AAMDC: variants seen among roughly 807,000 people sequenced by gnomAD.
The protein encoded by AAMDC is mth938 domain-containing protein.
Under a neutral mutation model 15.5 loss-of-function variants are expected in AAMDC, and 16 were observed. That is an observed-to-expected ratio of 1.03 (90% CI 0.70 to 1.57). AAMDC has a LOEUF of 1.57. Among genes scored for constraint, AAMDC ranks in the 40% most tolerant of loss-of-function variants. The pLI is 0.00. For synonymous variants in AAMDC, 51 were observed against 51.6 expected, an observed-to-expected ratio of 0.99 and a Z score of 0.05; for missense variants, 141 against 144.9, an observed-to-expected ratio of 0.97 and a Z score of 0.14.
Position 77,878,851 on chromosome 11 carries a change from A to G in AAMDC, c.328+1802A>G, listed in dbSNP as rs151209343. 7.6e-4 allele frequency: 657 copies of G among 863,066 alleles called. 9 individuals are homozygous for G. The African/African-American group carries it at 1.0e-2, about 13-fold the overall frequency. 53.5% of individuals were successfully genotyped at this position (863,066 alleles called of 1,614,324 possible). On this transcript the variant is annotated intron_variant, in intron 5 of 5. Transcript: ENST00000304716. ...GACTGTAAGGGTCACATACTCCTTA[A>G]GCCTACACATCAATTCCAGGTGAAG...
chr11:77,860,554 T>C (rs1950832977), intron 2 of AAMDC, among the ~76,000 whole-genome samples: 2 of 152,346 alleles, frequency 1.3e-5, no homozygotes, highest in South Asian at 4.1e-4. Context: ...GCACAAGGTT[T>C]CTGAAAGGGC....
intron 1 of AAMDC, among the ~76,000 whole-genome samples, chr11:77,837,916 T>C (rs973368245): frequency 1.3e-5 from 2 of 151,494 alleles, no homozygotes; most frequent in African/African-American, 2.4e-5. Flanking sequence ...ATAAATAAAA[T>C]TACAAAATTA....
At chr11:77,894,395 C>T (rs1190509691) in intron 5 of AAMDC, 7 of 1,032,958 alleles carry the variant, frequency 6.8e-6, no homozygotes. Context: ...AATCTGCAAA[C>T]TGAGGAGGAC....
At chr11:77,878,248 C>G (rs368730518) in intron 5 of AAMDC, among the ~76,000 whole-genome samples, 168 of 151,908 alleles carry the variant, frequency 1.1e-3, no homozygotes, top group African/African-American at 2.7e-3. Flanking sequence ...TGTAGTCCCA[C>G]CTACTCAGGA....
At chr11:77,891,266 A>C in intron 5 of AAMDC, 1 of 1,564,184 alleles carries the variant, frequency 6.4e-7, no homozygotes, top group Non-Finnish European at 8.7e-7. Context: ...AACATTAAAT[A>C]CTTCAACACA....
chr11:77,892,686 A>G (rs1952327483), intron 5 of AAMDC, among the ~76,000 whole-genome samples: 2 of 151,860 alleles, frequency 1.3e-5, no homozygotes, highest in Admixed American at 6.6e-5. Flanking sequence ...GGGTTCAAGC[A>G]ATTCTCCTGC....
chr11:77,898,603 TAA>T (rs1226566741), intron 5 of AAMDC, among the ~76,000 whole-genome samples: 7 of 152,258 alleles, frequency 4.6e-5, no homozygotes, highest in African/African-American at 1.7e-4. Flanking sequence ...TTTATGCTGA[TAA>T]ATATAAGTTC....
chr11:77,825,004 A>G (rs1034585919), intron 1 of AAMDC, among the ~76,000 whole-genome samples: 2 of 152,054 alleles, frequency 1.3e-5, no homozygotes, highest in Non-Finnish European at 2.9e-5. Flanking sequence ...TTTTTGAGAC[A>G]GAGTCTCACT....
At chr11:77,883,265 C>CA (rs1951863932) in intron 5 of AAMDC, among the ~76,000 whole-genome samples, 1 of 152,132 alleles carries the variant, frequency 6.6e-6, no homozygotes, top group African/African-American at 2.4e-5. Context: ...ATTCTGCCCC[C>CA]TATTCTAGGT....
chr11:77,858,678 C>T (rs750054328), intron 2 of AAMDC, among the ~76,000 whole-genome samples: 18 of 152,066 alleles, frequency 1.2e-4, no homozygotes, highest in Non-Finnish European at 2.5e-4. Flanking sequence ...GGCCGATGAC[C>T]GCTCTAACTG....
intron 2 of AAMDC, among the ~76,000 whole-genome samples, chr11:77,852,357 C>T (rs779209978): frequency 6.6e-6 from 1 of 151,678 alleles, no homozygotes; most frequent in Non-Finnish European, 1.5e-5. Context: ...TGTTGGCATA[C>T]AATTTTAGAT....
intron 2 of AAMDC, among the ~76,000 whole-genome samples, chr11:77,846,628 C>G (rs1362496983): frequency 1.3e-5 from 2 of 152,182 alleles, no homozygotes; most frequent in Non-Finnish European, 2.9e-5. Context: ...ATCGCTTGAA[C>G]CCGGGAGGTG....
intron 2 of AAMDC, among the ~76,000 whole-genome samples, chr11:77,843,595 G>A (rs1404628929): frequency 6.6e-6 from 1 of 152,106 alleles, no homozygotes; most frequent in East Asian, 1.9e-4. Context: ...ATTCTTACCT[G>A]TCTTACCAAA....
downstream of AAMDC, among the ~76,000 whole-genome samples, chr11:77,877,319 G>C (rs367900775): frequency 2.6e-5 from 4 of 152,184 alleles, no homozygotes; most frequent in East Asian, 1.9e-4. Flanking sequence ...TAAACCAAAA[G>C]TTAAAACATG....
intron 1 of AAMDC, among the ~76,000 whole-genome samples, chr11:77,835,992 C>G (rs1191749440): frequency 6.6e-6 from 1 of 152,052 alleles, no homozygotes; most frequent in African/African-American, 2.4e-5. Flanking sequence ...TAGAGTCAGA[C>G]AGACTTGGAT....
intron 2 of AAMDC, among the ~76,000 whole-genome samples, chr11:77,857,605 G>A (rs1950676736): frequency 6.6e-6 from 1 of 151,088 alleles, no homozygotes; most frequent in South Asian, 2.1e-4. Flanking sequence ...TTTACTTTAA[G>A]TTCTCGGATA....
chr11:77,879,061 G>A (rs1390186858), intron 5 of AAMDC: 2 of 1,614,094 alleles, frequency 1.2e-6, no homozygotes, highest in Non-Finnish European at 8.5e-7. Context: ...CTCCATCCAG[G>A]GGCATTTTGG....
At position 77,891,764 on chromosome 11, in the gene AAMDC, T is replaced by C. The variant is rs148229876; in HGVS notation, c.329-8807T>C. 1.2e-5 allele frequency: 19 copies of C among 1,611,876 alleles called. No homozygotes were observed. Among genetic ancestry groups the C allele is most frequent in the Middle Eastern group, 2.2e-4 (1 of 4,452 alleles). On this transcript the variant is annotated intron_variant, in intron 5 of 5. Transcript: ENST00000304716. ...TTGACCACTTCTGCAGGTTTGGATG[T>C]CATGAGTCGGGGCATAAGGTCAAGG...
chr11:77,904,479 G>C (rs1392525847), downstream of AAMDC, among the ~76,000 whole-genome samples: 1 of 152,088 alleles, frequency 6.6e-6, no homozygotes, highest in Non-Finnish European at 1.5e-5. Flanking sequence ...TTATTAATTA[G>C]TTTACATTTT....
Sources: allele counts gnomAD v4.1 joint callset (sites outside exome capture counted in the v4.1 genomes callset), GRCh38; gene constraint gnomAD v4.1.1; transcripts MANE v1.5; gene names NCBI Gene and HGNC (gene_info 2026-07-23, HGNC 2026-07-21).